RBBP8: variants seen among roughly 807,000 people sequenced by gnomAD.
The protein encoded by RBBP8 is DNA endonuclease RBBP8.
A neutral mutation model predicts 108.3 loss-of-function variants in RBBP8; 88 were observed. The ratio of observed to expected loss-of-function variants is 0.81; its 90% CI spans 0.68 to 0.97. The LOEUF is 0.97. Ranked by LOEUF, RBBP8 falls within the 50% of genes least tolerant of loss-of-function variation. The pLI is 0.00. For missense variants in RBBP8, 1,023 were observed against 1,049.0 expected (o/e 0.98, Z 0.34); for synonymous variants, 332 against 348.2 (o/e 0.95, Z 0.52).
chr18:22,933,289 G>T (rs1358759238), upstream of RBBP8: 2 of 152,226 alleles, frequency 1.3e-5, no homozygotes, highest in Non-Finnish European at 2.9e-5. Flanking sequence ...CGCCGCGATG[G>T]GCAGCTGGAG....
intron 2 of RBBP8, among the ~76,000 whole-genome samples, chr18:22,937,625 C>T (rs563795825): frequency 4.0e-5 from 6 of 151,294 alleles, no homozygotes; most frequent in Non-Finnish European, 7.4e-5. Context: ...ACCATAGGCA[C>T]ACGCTGCCAT....
intron 14 of RBBP8, among the ~76,000 whole-genome samples, chr18:23,000,255 T>C (rs2045925295): frequency 6.6e-6 from 1 of 152,176 alleles, no homozygotes; most frequent in African/African-American, 2.4e-5. Context: ...TCATATTTGT[T>C]AGCCAACTGG....
At position 22,996,376 on chromosome 18, in the gene RBBP8, G is replaced by A. The variant is rs1555644747; in HGVS notation, c.1942G>A (p.Val648Ile). 2.5e-6 allele frequency: 4 copies of A among 1,613,384 alleles called. No individual in the cohort carries two copies. Among genetic ancestry groups the A allele is most frequent in the Non-Finnish European group, 3.4e-6 (4 of 1,179,800 alleles). ...KIKSLQNNQDVSFENIQWSID... is the reference protein window; with the variant it reads ...KIKSLQNNQDISFENIQWSID... ...CATGCTCTTTCCCTTTACCTAAGAT[G>A]TATCCTTTGAAAATATCCAGTGGAG... Residue 648 changes from valine to isoleucine, a missense_variant and splice_region_variant, in exon 13 of 19, where the codon GTA (valine) becomes ATA (isoleucine). Physicochemically the swap from Val to Ile is conservative, Grantham distance 29. Transcript: ENST00000327155.
Position 22,991,033 on chromosome 18 carries a change from A to G in RBBP8, c.904A>G (p.Thr302Ala), listed in dbSNP as rs770029792. 2.5e-6 allele frequency: 4 copies of G among 1,611,414 alleles called. No individual in the cohort carries two copies. Among genetic ancestry groups the G allele is most frequent in the Admixed American group, 3.3e-5 (2 of 60,016 alleles). Residue 302 changes from threonine to alanine, a missense_variant, in exon 10 of 19, where the codon ACT becomes GCT. Transcript: ENST00000327155. ...KQPFEESTRN[T>A]EDSLRFSDST... ...GCCTTTTGAGGAATCTACAAGAAAT[A>G]CTGAAGATAGTTTAAGGTAATTAAG...
intron 2 of RBBP8, among the ~76,000 whole-genome samples, chr18:22,943,490 T>C (rs915885081): frequency 1.3e-5 from 2 of 152,050 alleles, no homozygotes; most frequent in African/African-American, 4.8e-5. Flanking sequence ...TTTTATTTTT[T>C]ATTTGCATTC....
At chr18:22,965,238 T>C (rs553984256) in intron 4 of RBBP8, among the ~76,000 whole-genome samples, 1 of 152,290 alleles carries the variant, frequency 6.6e-6, no homozygotes, top group African/African-American at 2.4e-5. Flanking sequence ...TGGTTTCTTA[T>C]AATTTATAAG....
chr18:22,966,637 A>G (rs927999034), intron 4 of RBBP8, among the ~76,000 whole-genome samples: 1 of 146,066 alleles, frequency 6.8e-6, no homozygotes, highest in Non-Finnish European at 1.5e-5. Flanking sequence ...TATACTTTTC[A>G]TGTTTTATCT....
At chr18:22,947,284 G>A (rs1374175890) in intron 3 of RBBP8, among the ~76,000 whole-genome samples, 1 of 151,940 alleles carries the variant, frequency 6.6e-6, no homozygotes, top group Non-Finnish European at 1.5e-5. Context: ...TTATCACAAA[G>A]TTTCTTTGTA....
At chr18:22,990,583 A>G (rs1361993920) in intron 9 of RBBP8, among the ~76,000 whole-genome samples, 2 of 152,170 alleles carry the variant, frequency 1.3e-5, no homozygotes, top group Admixed American at 6.5e-5. Context: ...CAACTCAGTG[A>G]TATTTAGTAC....
intron 12 of RBBP8, 116 bp downstream of exon 12, chr18:22,993,963 G>GTGTC (rs2144708980): frequency 4.7e-6 from 5 of 1,066,298 alleles, no homozygotes; most frequent in Non-Finnish European, 6.9e-6. Flanking sequence ...CTTCCTTCAG[G>GTGTC]TGTCTGTATT....
At chr18:22,932,958 T>C (rs968227686), upstream of RBBP8, among the ~76,000 whole-genome samples, 4 of 152,218 alleles carry the variant, frequency 2.6e-5, no homozygotes, top group Admixed American at 6.5e-5. Flanking sequence ...CCGAAAACTA[T>C]GTTAGACGGA....
At chr18:23,017,894 C>A in intron 17 of RBBP8, among the ~76,000 whole-genome samples, 1 of 150,644 alleles carries the variant, frequency 6.6e-6, no homozygotes, top group East Asian at 2.0e-4. Context: ...TTACAGGCAC[C>A]TACCACCATG....
At chr18:22,943,900 AGGCCC>A (rs1911313800) in intron 2 of RBBP8, among the ~76,000 whole-genome samples, 1 of 152,210 alleles carries the variant, frequency 6.6e-6, no homozygotes, top group Non-Finnish European at 1.5e-5. Context: ...TACAATATAC[AGGCCC>A]TTGATTGTTT....
chr18:22,933,960 C>G (rs1910273125), intron 1 of RBBP8: 1 of 152,514 alleles, frequency 6.6e-6, no homozygotes, highest in African/African-American at 2.4e-5. Flanking sequence ...CTGCTCTGCT[C>G]CGCCCATAAG....
At chr18:22,972,983 G>A (rs527581167) in intron 5 of RBBP8, among the ~76,000 whole-genome samples, 10 of 152,250 alleles carry the variant, frequency 6.6e-5, no homozygotes, top group East Asian at 1.9e-4. Context: ...TCTTCTGAGC[G>A]TGAAAGCGCC....
chr18:22,924,400 T>A (rs577124224), intron 3 of RBBP8, among the ~76,000 whole-genome samples: 1 of 152,296 alleles, frequency 6.6e-6, no homozygotes, highest in Admixed American at 6.5e-5. Flanking sequence ...GTGCTGGGAT[T>A]ACAGGCATGG....
chr18:23,024,062 T>TTC (rs2046416527), intron 18 of RBBP8, among the ~76,000 whole-genome samples: 1 of 144,958 alleles, frequency 6.9e-6, no homozygotes, highest in South Asian at 2.2e-4. Flanking sequence ...TTTTTTTTTT[T>TTC]CTAGTAGAGA....
chr18:22,954,367 G>T (rs944731559), intron 4 of RBBP8, among the ~76,000 whole-genome samples: 2 of 152,178 alleles, frequency 1.3e-5, no homozygotes, highest in Non-Finnish European at 2.9e-5. Flanking sequence ...GGAGAAATTG[G>T]CCAAAACAAA....
intron 1 of RBBP8, chr18:22,934,313 GT>G (rs1450945457): frequency 6.7e-6 from 1 of 149,720 alleles, no homozygotes; most frequent in Non-Finnish European, 1.5e-5. Context: ...TGAATGTTTT[GT>G]TTTTATGTTT....
Sources: allele counts gnomAD v4.1 joint callset (sites outside exome capture counted in the v4.1 genomes callset), GRCh38; gene constraint gnomAD v4.1.1; transcripts MANE v1.5; gene names NCBI Gene and HGNC (gene_info 2026-07-23, HGNC 2026-07-21).